CSN2: variants seen among roughly 807,000 people sequenced by gnomAD.
CSN2 encodes beta-casein.
Under a neutral mutation model 27.3 loss-of-function variants are expected in CSN2, and 27 were observed. The observed-to-expected ratio is 0.99, with a 90% CI of 0.73 to 1.36. The LOEUF is 1.36. Ranked by LOEUF, CSN2 falls within the 40% of genes most tolerant of loss-of-function variation. The pLI is 0.00. For missense variants in CSN2, 333 were observed against 264.5 expected (o/e 1.26, Z -1.80); for synonymous variants, 131 against 94.8 (o/e 1.38, Z -2.22).
intron 3 of CSN2, among the ~76,000 whole-genome samples, chr4:69,959,564 C>G (rs1461462792): frequency 1.3e-5 from 2 of 152,028 alleles, no homozygotes; most frequent in Non-Finnish European, 1.5e-5. Flanking sequence ...ACCTGACTCT[C>G]TCAGGTAAAT....
intron 1 of CSN2, among the ~76,000 whole-genome samples, chr4:69,964,213 A>G (rs904113870): frequency 3.9e-5 from 6 of 152,108 alleles, no homozygotes; most frequent in African/African-American, 1.4e-4. Context: ...TGAAATGTAC[A>G]CACGATTCTC....
In CSN2 at chr4:69,957,779, G is replaced by T; in HGVS notation, c.170C>A (p.Pro57His). Residue 57 changes from proline (P) to histidine (H), a missense_variant, in exon 6 of 8, where the codon CCC (proline) becomes CAC (histidine). Pro to His is a moderately conservative substitution (Grantham distance 77). Transcript: ENST00000353151. ...GATCAGAGGCTGTGGCTGGAAAGAG[G>T]GGTAGATTTTATCCTGGTGTTCATC... ...GEDEHQDKIYPSFQPQPLIYP... is the reference protein window; with the variant it reads ...GEDEHQDKIYHSFQPQPLIYP... 1 of 1,613,464 alleles carries T rather than the reference G, an allele frequency of 6.2e-7. No individual in the cohort carries two copies. Among genetic ancestry groups the T allele is most frequent in the Non-Finnish European group, 8.5e-7 (1 of 1,179,648 alleles).
chr4:69,955,615 A>G (rs1383680403), intron 7 of CSN2, 23 bp from the exon 8 acceptor site: 1 of 152,524 alleles, frequency 6.6e-6, no homozygotes, highest in African/African-American at 2.4e-5. Flanking sequence ...GAGCAAATAT[A>G]TAATTAGTTA....
At chr4:69,956,142 A>G in intron 7 of CSN2, among the ~76,000 whole-genome samples, 172 bp downstream of exon 7, 1 of 152,016 alleles carries the variant, frequency 6.6e-6, no homozygotes. Context: ...AATGCAAAAG[A>G]TAGATAGTTT....
intron 3 of CSN2, 73 bp downstream of exon 3, chr4:69,959,980 T>G (rs1468343794): frequency 7.4e-7 from 1 of 1,343,340 alleles, no homozygotes; most frequent in Non-Finnish European, 1.1e-6. Context: ...TTAGCTTAAC[T>G]GCCATGATGT....
At chr4:69,956,680 A>C (rs898309520) in intron 6 of CSN2, among the ~76,000 whole-genome samples, 1 of 152,154 alleles carries the variant, frequency 6.6e-6, no homozygotes, top group Non-Finnish European at 1.5e-5. Flanking sequence ...ATGACAGAAC[A>C]TTTTTTAGCT....
intron 2 of CSN2, 76 bp downstream of exon 2, chr4:69,960,869 G>A: frequency 8.9e-7 from 1 of 1,117,856 alleles, no homozygotes; most frequent in South Asian, 1.3e-5. Flanking sequence ...AAAAATGTTG[G>A]TGATGTTATT....
At chr4:69,961,287 A>C (rs961016498) in intron 1 of CSN2, among the ~76,000 whole-genome samples, 1 of 152,134 alleles carries the variant, frequency 6.6e-6, no homozygotes, top group Non-Finnish European at 1.5e-5. Flanking sequence ...CACTTTTAAA[A>C]AAGTCCCATT....
intron 1 of CSN2, among the ~76,000 whole-genome samples, chr4:69,964,344 G>A (rs1723721833): frequency 1.3e-5 from 2 of 151,974 alleles, no homozygotes; most frequent in South Asian, 2.1e-4. Flanking sequence ...CTTGTTATGT[G>A]TTCTTACATT....
intron 2 of CSN2, among the ~76,000 whole-genome samples, chr4:69,960,568 AC>A (rs1371949258): frequency 6.6e-6 from 1 of 151,722 alleles, no homozygotes. Flanking sequence ...ACAGGATTTG[AC>A]CCAGTGCCCT....
chr4:69,964,826 A>C (rs1216108334), intron 1 of CSN2, among the ~76,000 whole-genome samples: 1 of 149,744 alleles, frequency 6.7e-6, no homozygotes, highest in African/African-American at 2.4e-5. Context: ...TAATATACTA[A>C]TATATACTAA....
chr4:69,958,611 T>C (rs953296826), intron 5 of CSN2, among the ~76,000 whole-genome samples: 7 of 152,222 alleles, frequency 4.6e-5, no homozygotes, highest in Non-Finnish European at 8.8e-5. Flanking sequence ...AATAAGAGGA[T>C]CATAGTTCCC....
chr4:69,958,997 A>T, intron 4 of CSN2, 44 bp from the exon 5 acceptor site: 1 of 1,552,556 alleles, frequency 6.4e-7, no homozygotes, highest in Non-Finnish European at 8.8e-7. Flanking sequence ...ATCTGTAAAG[A>T]TTAAAAGGAG....
rs1197134737 is a variant in CSN2, at chr4:69,961,143, A to G, written c.-12-136T>C. 5 of 558,976 alleles carry G rather than the reference A, an allele frequency of 8.9e-6. No individual in the cohort carries two copies. The Admixed American group carries it at 9.0e-5, about 10-fold the overall frequency. The allele number at this position is 558,976 out of a possible 1,614,324, so 34.6% of individuals were successfully genotyped here. On this transcript the variant is annotated intron_variant, in intron 1 of 7. Coordinates refer to ENST00000353151, the MANE Select transcript of CSN2 (RefSeq NM_001891.4). Reference sequence around the variant, plus strand: ...ACAAAAATATCTGCATTTAGAAAATAAATAGAATAAATACTAAATAGAAGT... The same window carrying G: ...ACAAAAATATCTGCATTTAGAAAATGAATAGAATAAATACTAAATAGAAGT...
At chr4:69,965,023 T>C (rs1226939322) in intron 1 of CSN2, among the ~76,000 whole-genome samples, 1 of 151,734 alleles carries the variant, frequency 6.6e-6, no homozygotes, top group Non-Finnish European at 1.5e-5. Context: ...CATTAAGAAT[T>C]TTCTTACAAA....
chr4:69,959,292 G>A (rs77145310), intron 3 of CSN2, among the ~76,000 whole-genome samples: 1,727 of 152,082 alleles, frequency 0.011, 17 homozygotes, highest in East Asian at 0.034. Context: ...ATTAATAGAT[G>A]CTAATTTCTC....
At chr4:69,960,184 G>C in intron 2 of CSN2, 105 bp from the exon 3 acceptor site, 1 of 1,013,568 alleles carries the variant, frequency 9.9e-7, no homozygotes, top group Non-Finnish European at 1.5e-6. Flanking sequence ...TCTCACCTCA[G>C]AGGATGCATT....
At position 69,956,316 on chromosome 4, in the gene CSN2, A is replaced by G. The variant is rs770370312; in HGVS notation, c.*34T>C. 2.9e-6 allele frequency: 4 copies of G among 1,398,284 alleles called. No homozygotes were observed. Among genetic ancestry groups the G allele is most frequent in the Non-Finnish European group, 3.8e-6 (4 of 1,058,842 alleles). The allele number at this position is 1,398,284 out of a possible 1,614,324, so 86.6% of individuals were successfully genotyped here. On this transcript the variant is annotated splice_region_variant and 3_prime_UTR_variant, in exon 7 of 8. Transcript: ENST00000353151. ...ATCTCCAAACTCCCAAAACTTACCAAAAATAAGGAGGGAAAATTAACTTTG... is the reference window on the plus strand; with the variant it reads ...ATCTCCAAACTCCCAAAACTTACCAGAAATAAGGAGGGAAAATTAACTTTG...
In CSN2 at chr4:69,960,930, T is replaced by G. The variant is rs200475419; in HGVS notation, c.51+15A>C. 1.6e-5 allele frequency: 26 copies of G among 1,611,596 alleles called. No individual in the cohort carries two copies. The highest frequency in any genetic ancestry group is 2.2e-5 in the East Asian group (1 of 44,850). On this transcript the variant is annotated intron_variant, in intron 2 of 7. Transcript: ENST00000353151. ...TATTTATTGATTGTTTAGGAATTTT[T>G]TCTTGTGCACATACCTCCCTTGCAA...
Sources: allele counts gnomAD v4.1 joint callset (sites outside exome capture counted in the v4.1 genomes callset), GRCh38; gene constraint gnomAD v4.1.1; transcripts MANE v1.5; gene names NCBI Gene and HGNC (gene_info 2026-07-23, HGNC 2026-07-21).